ROBO1: variants seen among roughly 807,000 people sequenced by gnomAD.
ROBO1 encodes the protein roundabout homolog 1.
A neutral mutation model predicts 195.9 loss-of-function variants in ROBO1; 149 were observed. That is an observed-to-expected ratio of 0.76 (90% confidence interval 0.67 to 0.87). ROBO1 has a LOEUF of 0.87. Ranked by LOEUF, ROBO1 falls within the 40% of genes least tolerant of loss-of-function variation. The pLI, the probability that ROBO1 is intolerant of heterozygous loss-of-function variation, is 0.00. For missense variants in ROBO1, 1,933 were observed against 2,068.3 expected, an observed-to-expected ratio of 0.93 and a Z score of 1.27; for synonymous variants, 816 against 733.2, an observed-to-expected ratio of 1.11 and a Z score of -1.82.
chr3:79,742,107 GC>G (rs1703673230), intron 1 of ROBO1, among the ~76,000 whole-genome samples: 1 of 152,204 alleles, frequency 6.6e-6, no homozygotes, highest in African/African-American at 2.4e-5. Context: ...AAAATTTGTA[GC>G]CTGGCCATGT....
At chr3:79,449,764 A>G (rs1022940342) in intron 2 of ROBO1, among the ~76,000 whole-genome samples, 11 of 152,306 alleles carry the variant, frequency 7.2e-5, no homozygotes, top group African/African-American at 2.6e-4. Context: ...TGGTTTTAAA[A>G]AAGGAAAGTT....
At chr3:79,170,533 C>T (rs75455493) in intron 2 of ROBO1, among the ~76,000 whole-genome samples, 11 of 151,934 alleles carry the variant, frequency 7.2e-5, no homozygotes, top group Admixed American at 6.6e-4. Context: ...AGCCTTGCCC[C>T]TAAATTTAAA....
At chr3:79,466,170 T>G (rs1349372614) in intron 2 of ROBO1, among the ~76,000 whole-genome samples, 3 of 152,150 alleles carry the variant, frequency 2.0e-5, no homozygotes, top group African/African-American at 7.2e-5. Context: ...TTGACAAAAT[T>G]TATCTGCTTA....
intron 1 of ROBO1, among the ~76,000 whole-genome samples, chr3:79,665,689 G>GA (rs1002601464): frequency 1.3e-4 from 19 of 151,890 alleles, no homozygotes; most frequent in Non-Finnish European, 2.4e-4. Context: ...GGATTTGAGT[G>GA]AAAAAATGAC....
At chr3:79,703,344 C>T (rs142688737) in intron 1 of ROBO1, among the ~76,000 whole-genome samples, 1,582 of 151,650 alleles carry the variant, frequency 0.01, 36 homozygotes, top group African/African-American at 0.037. Context: ...TATACATCTT[C>T]CAAAATACAG....
At chr3:79,489,386 T>A (rs1176827601) in intron 2 of ROBO1, among the ~76,000 whole-genome samples, 2 of 152,128 alleles carry the variant, frequency 1.3e-5, no homozygotes, top group African/African-American at 2.4e-5. Flanking sequence ...CCAGGCGCAG[T>A]GGCTAACGCC....
chr3:79,513,092 A>G (rs1940787051), intron 2 of ROBO1, among the ~76,000 whole-genome samples: 1 of 152,168 alleles, frequency 6.6e-6, no homozygotes, highest in South Asian at 2.1e-4. Context: ...GACGATAGAA[A>G]ACCCCATGGA....
At chr3:78,608,516 C>T (rs905786104) in intron 28 of ROBO1, among the ~76,000 whole-genome samples, 11 of 151,848 alleles carry the variant, frequency 7.2e-5, no homozygotes, top group African/African-American at 1.9e-4. Context: ...ATCATTCCTC[C>T]GGGGAGAAAG....
At chr3:78,836,826 T>G (rs1447696699) in intron 4 of ROBO1, among the ~76,000 whole-genome samples, 1 of 152,258 alleles carries the variant, frequency 6.6e-6, no homozygotes, top group African/African-American at 2.4e-5. Context: ...GCAATTTTAA[T>G]TTACAGTGCT....
chr3:79,215,917 T>C (rs1319059124), intron 2 of ROBO1, among the ~76,000 whole-genome samples: 1 of 152,140 alleles, frequency 6.6e-6, no homozygotes, highest in Non-Finnish European at 1.5e-5. Context: ...TCATCCTTGT[T>C]AGGGAGAAAG....
At chr3:79,270,179 T>TTCTCTC (rs138141200) in intron 2 of ROBO1, among the ~76,000 whole-genome samples, 2,700 of 140,692 alleles carry the variant, frequency 0.019, 54 homozygotes, top group African/African-American at 0.054. Context: ...ATACATAATG[T>TTCTCTC]TCTCTCTCTC....
chr3:78,872,594 T>C (rs1033866341), intron 4 of ROBO1, among the ~76,000 whole-genome samples: 1 of 152,182 alleles, frequency 6.6e-6, no homozygotes, highest in East Asian at 1.9e-4. Context: ...AACCCTAACA[T>C]TGTATCAAAC....
chr3:78,980,958 C>A (rs2076977662), intron 3 of ROBO1, among the ~76,000 whole-genome samples: 1 of 152,106 alleles, frequency 6.6e-6, no homozygotes, highest in South Asian at 2.1e-4. Flanking sequence ...CATTCTAAGT[C>A]ATCAAAGTCA....
intron 2 of ROBO1, among the ~76,000 whole-genome samples, chr3:79,196,058 T>A (rs572310499): frequency 1.3e-5 from 2 of 151,698 alleles, no homozygotes; most frequent in South Asian, 4.1e-4. Context: ...GACAAAAAGA[T>A]GAAAAGTCAT....
chr3:79,270,189 C>T (rs2030402080), intron 2 of ROBO1, among the ~76,000 whole-genome samples: 8 of 119,736 alleles, frequency 6.7e-5, no homozygotes, highest in Admixed American at 6.6e-4. Flanking sequence ...TTCTCTCTCT[C>T]TCTCTCTCTC....
intron 1 of ROBO1, among the ~76,000 whole-genome samples, chr3:79,690,480 A>G (rs970900760): frequency 6.6e-6 from 1 of 151,814 alleles, no homozygotes; most frequent in African/African-American, 2.4e-5. Context: ...TCCAAACCAG[A>G]TTCTCCCCTA....
intron 14 of ROBO1, among the ~76,000 whole-genome samples, chr3:78,664,423 G>A (rs1247386748): frequency 6.6e-6 from 1 of 152,108 alleles, no homozygotes; most frequent in Non-Finnish European, 1.5e-5. Context: ...AGGGCACATG[G>A]GTGAGGAATC....
chr3:79,152,819 G>C (rs139721026), intron 2 of ROBO1, among the ~76,000 whole-genome samples: 3 of 151,886 alleles, frequency 2.0e-5, no homozygotes, highest in African/African-American at 4.8e-5. Flanking sequence ...GCTTTTCTGA[G>C]ATGGTCATAT....
chr3:78,784,008 TAA>T (rs958522719), intron 4 of ROBO1, among the ~76,000 whole-genome samples: 25 of 152,218 alleles, frequency 1.6e-4, no homozygotes, highest in African/African-American at 6.0e-4. Flanking sequence ...GCATCTAAGG[TAA>T]AAGTGATTGT....
Sources: allele counts gnomAD v4.1 joint callset (sites outside exome capture counted in the v4.1 genomes callset), GRCh38; gene constraint gnomAD v4.1.1; transcripts MANE v1.5; gene names NCBI Gene and HGNC (gene_info 2026-07-23, HGNC 2026-07-21).